ETV7: variants seen among roughly 807,000 people sequenced by gnomAD.
ETV7 encodes the protein transcription factor ETV7.
ETV7 carries 43 observed loss-of-function variants against 39.1 expected under a neutral mutation model. The observed-to-expected ratio is 1.10, with a 90% CI of 0.86 to 1.42. ETV7 has a LOEUF of 1.42. ETV7 is among the 40% of genes most tolerant of loss of function. The probability of loss-of-function intolerance (pLI) is 0.00; values close to 1 mark genes in which losing one functional copy is unlikely to be tolerated. For missense variants in ETV7, 432 were observed against 442.3 expected (o/e 0.98, Z 0.21); for synonymous variants, 196 against 176.6 (o/e 1.11, Z -0.87).
At chr6:36,379,828 A>C (rs1350472815) in intron 2 of ETV7, among the ~76,000 whole-genome samples, 2 of 151,612 alleles carry the variant, frequency 1.3e-5, no homozygotes, top group African/African-American at 4.8e-5. Context: ...GTGAGCTGAG[A>C]TCAAGCTACC....
Position 36,387,648 on chromosome 6 carries a change from C to T in ETV7, c.-107G>A. 7.8e-7 allele frequency: 1 copy of T among 1,287,440 alleles called. No individual in the cohort carries two copies. The highest frequency in any genetic ancestry group is 1.1e-6 in the Non-Finnish European group (1 of 904,348). The allele number at this position is 1,287,440 out of a possible 1,614,324, so 79.8% of individuals were successfully genotyped here. A position where few individuals can be genotyped will look rare whatever the true frequency, so the allele number is the denominator to read the frequency against. ...CCCGCAGTCCTCCTCCGCCAAACCC[C>T]TAACCTGGCTCCGAGAACTGGAAGG... is the stretch of plus-strand genomic sequence containing the variant. On this transcript the variant is annotated 5_prime_UTR_variant, in exon 1 of 8. Coordinates refer to ENST00000340181, the MANE Select transcript of ETV7 (RefSeq NM_016135.4).
chr6:36,382,402 A>C (rs1157137295), intron 2 of ETV7, among the ~76,000 whole-genome samples: 3 of 152,224 alleles, frequency 2.0e-5, no homozygotes, highest in Non-Finnish European at 4.4e-5. Flanking sequence ...AGCCAGCAGC[A>C]TCAGCATTAC....
chr6:36,372,930 G>T (rs1286557334), intron 4 of ETV7, among the ~76,000 whole-genome samples: 1 of 151,738 alleles, frequency 6.6e-6, no homozygotes, highest in Non-Finnish European at 1.5e-5. Context: ...GAAGCAGAGA[G>T]GGGTACCCCA....
At chr6:36,364,716 G>T (rs1026498700), downstream of ETV7, among the ~76,000 whole-genome samples, 2 of 152,308 alleles carry the variant, frequency 1.3e-5, no homozygotes, top group Non-Finnish European at 1.5e-5. Flanking sequence ...CTCAAGTGCC[G>T]CCAAAGTGGG....
intron 2 of ETV7, among the ~76,000 whole-genome samples, chr6:36,381,730 G>A (rs1458865647): frequency 1.3e-5 from 2 of 152,110 alleles, no homozygotes; most frequent in African/African-American, 4.8e-5. Context: ...CACACTGTGG[G>A]GGCAGGGCCA....
downstream of ETV7, among the ~76,000 whole-genome samples, chr6:36,365,566 G>A (rs929271556): frequency 6.6e-6 from 1 of 152,172 alleles, no homozygotes; most frequent in African/African-American, 2.4e-5. Context: ...CACAAGTGTG[G>A]GGACGGGGGC....
chr6:36,379,724 A>G, intron 2 of ETV7, among the ~76,000 whole-genome samples: 1 of 151,682 alleles, frequency 6.6e-6, no homozygotes, highest in East Asian at 1.9e-4. Flanking sequence ...AAAAATAAAA[A>G]AATTAGCCAG....
In ETV7 at chr6:36,366,253, CTT is replaced by C; in HGVS notation, c.*390_*391del. Reference sequence around the variant, plus strand: ...TCAGTGCCGCCTGGAAGCACTAACACTTTTTCCCATTTCCTGCCTCAGCCCAT... The same window carrying C: ...TCAGTGCCGCCTGGAAGCACTAACACTTTCCCATTTCCTGCCTCAGCCCAT... On this transcript the variant is annotated 3_prime_UTR_variant, in exon 8 of 8. Coordinates refer to ENST00000340181, the MANE Select transcript of ETV7 (RefSeq NM_016135.4). The C allele has an allele frequency of 1.9e-6, 2 of 1,047,554 alleles. No homozygotes were observed. Among genetic ancestry groups the C allele is most frequent in the Non-Finnish European group, 2.3e-6 (2 of 867,756 alleles). The allele number at this position is 1,047,554 out of a possible 1,614,324, so 64.9% of individuals were successfully genotyped here. A position where few individuals can be genotyped will look rare whatever the true frequency, so the allele number is the denominator to read the frequency against.
downstream of ETV7, among the ~76,000 whole-genome samples, chr6:36,363,388 T>TTAGGGGCTCGCTGGCTC (rs1482377951): frequency 6.9e-3 from 1,054 of 151,992 alleles, 9 homozygotes; most frequent in South Asian, 0.03. Flanking sequence ...CCCCGTGGGC[T>TTAGGGGCTCGCTGGCTC]CATGGGCTCG....
At position 36,375,951 on chromosome 6, in the gene ETV7, G is replaced by C. The variant is rs776191639; in HGVS notation, c.227C>G (p.Ala76Gly). 3 of 1,613,606 alleles carry C rather than the reference G, an allele frequency of 1.9e-6. No homozygotes were observed. The highest frequency in any genetic ancestry group is 2.5e-6 in the Non-Finnish European group (3 of 1,180,026). The change falls in exon 3 of 8, where the codon GCG becomes GGG. Residue 76 changes from alanine to glycine, a missense_variant. Coordinates refer to ENST00000340181, the MANE Select transcript of ETV7 (RefSeq NM_016135.4). ...TCCGTTCATCTCGAACCCGTGCTCC[G>C]CGGTGCATGGCAGAGAGTACTCCTG... ...AEQEYSLPCT[A>G]EHGFEMNGRA...
chr6:36,368,887 C>T (rs764288915), intron 6 of ETV7, 42 bp downstream of exon 6: 7 of 1,613,716 alleles, frequency 4.3e-6, no homozygotes, highest in Non-Finnish European at 4.2e-6. Flanking sequence ...AACTCTGTCC[C>T]CTTCTGGTTA....
In ETV7 at chr6:36,356,332, A is replaced by AC. The variant is rs1561895636; in HGVS notation, c.909-1646_909-1645insG. On this transcript the variant is annotated intron_variant, in intron 7 of 7. Transcript: ENST00000339796. Reference sequence around the variant, plus strand: ...GAGTGAGACCCTGTCTCAAAAAAAAAAAAAAAACAAAAAAAAACACAAACA... The same window carrying AC: ...GAGTGAGACCCTGTCTCAAAAAAAAACAAAAAAACAAAAAAAAACACAAACA... 2.7e-5 allele frequency among the ~76,000 whole-genome samples: 4 copies of AC among 150,758 alleles called. No individual in the cohort carries two copies. In the South Asian group the frequency reaches 6.4e-4, roughly 24 times the overall value.
rs141085509 is a variant in ETV7 at position 36,369,942 on chromosome 6, G to T, written c.665-871C>A. On this transcript the variant is annotated intron_variant, in intron 5 of 7. Coordinates refer to ENST00000340181, the MANE Select transcript of ETV7 (RefSeq NM_016135.4). ...AAACCCAGTAATTGTGGATCATTGT[G>T]TTTGTTATTGATACATAATATTTAT... Among the ~76,000 whole-genome samples, 192 of 151,882 alleles carry T rather than the reference G, an allele frequency of 1.3e-3. 4 individuals carry two copies. The South Asian group carries it at 0.026, about 21-fold the overall frequency.
intron 2 of ETV7, among the ~76,000 whole-genome samples, chr6:36,381,148 A>G (rs1773631830): frequency 6.6e-6 from 1 of 152,096 alleles, no homozygotes; most frequent in Non-Finnish European, 1.5e-5. Context: ...GCTTCTCCCT[A>G]CCTTGCAGGA....
chr6:36,366,545 G>A lies in ETV7; in HGVS notation c.*100C>T. 10 of 1,584,544 alleles carry A rather than the reference G, an allele frequency of 6.3e-6. No homozygotes were observed. The highest frequency in any genetic ancestry group is 8.6e-6 in the Non-Finnish European group (10 of 1,165,198). On this transcript the variant is annotated 3_prime_UTR_variant, in exon 8 of 8. Coordinates refer to ENST00000340181, the MANE Select transcript of ETV7 (RefSeq NM_016135.4). ...CTGTAATCCTGTGGGTACAGAGTCT[G>A]GCTGGGGATCCTGCTGCTCTGCTGG...
At chr6:36,364,649 T>C (rs1053296349), downstream of ETV7, among the ~76,000 whole-genome samples, 1 of 152,240 alleles carries the variant, frequency 6.6e-6, no homozygotes, top group Non-Finnish European at 1.5e-5. Flanking sequence ...GAGCCGGCTC[T>C]GGCCTTGGCC....
intron 2 of ETV7, among the ~76,000 whole-genome samples, chr6:36,378,208 AT>A (rs1478002177): frequency 6.7e-6 from 1 of 149,492 alleles, no homozygotes; most frequent in Non-Finnish European, 1.5e-5. Flanking sequence ...CAGGATTTTA[AT>A]TCAGAGGGAA....
chr6:36,368,006 A>T (rs1772815169), intron 6 of ETV7, among the ~76,000 whole-genome samples: 1 of 152,188 alleles, frequency 6.6e-6, no homozygotes, highest in Non-Finnish European at 1.5e-5. Context: ...GGATTAGACC[A>T]ATAAGTCCTC....
intron 3 of ETV7, 37 bp downstream of exon 3, chr6:36,375,834 G>T (rs374625280): frequency 6.2e-7 from 1 of 1,613,050 alleles, no homozygotes; most frequent in Non-Finnish European, 8.5e-7. Context: ...GCCTACCAGG[G>T]TTCCCGCTTA....
Sources: gnomAD v4.1 joint callset for allele counts (sites outside exome capture counted in the v4.1 genomes callset) on GRCh38, gnomAD v4.1.1 for gene constraint, MANE v1.5 for transcripts, NCBI Gene and HGNC (gene_info 2026-07-23, HGNC 2026-07-21) for gene names.